The following PID1 variants were observed in gnomAD, a reference collection of about 807,000 sequenced individuals.
The protein encoded by PID1 is PTB-containing, cubilin and LRP1-interacting protein.
A neutral mutation model predicts 19.1 loss-of-function variants in PID1; 10 were observed. The observed-to-expected ratio is 0.52, with a 90% CI of 0.32 to 0.89. PID1 has a LOEUF of 0.89. PID1 is among the 40% of genes least tolerant of loss of function. The pLI is 0.03. For synonymous variants in PID1, 130 were observed against 116.0 expected (o/e 1.12, Z -0.78); for missense variants, 248 against 285.3 (o/e 0.87, Z 0.94).
chr2:229,180,138 A>G (rs534683463), intron 1 of PID1, among the ~76,000 whole-genome samples: 1 of 152,336 alleles, frequency 6.6e-6, no homozygotes, highest in African/African-American at 2.4e-5. Flanking sequence ...GAGTCTTTGC[A>G]GAAAGTTCAA....
At chr2:229,225,764 C>T (rs78636479) in intron 1 of PID1, among the ~76,000 whole-genome samples, 2,412 of 152,242 alleles carry the variant, frequency 0.016, 34 homozygotes, top group Non-Finnish European at 0.025. Flanking sequence ...GGTCCTTCTT[C>T]GCATGGTGAC....
At chr2:229,159,386 A>G (rs535471346) in intron 1 of PID1, among the ~76,000 whole-genome samples, 2 of 152,346 alleles carry the variant, frequency 1.3e-5, no homozygotes, top group Non-Finnish European at 2.9e-5. Context: ...ATTAAAGTCC[A>G]TAATCAGTTG....
chr2:229,194,434 T>TA lies in PID1; in HGVS notation c.31-38471dup, dbSNP rs925255522. Reference sequence around the variant, plus strand: ...TTCACATATCATTACTACAAGAACTTAAAAAAAAATAAAAATCATTTTCAA... The same window carrying TA: ...TTCACATATCATTACTACAAGAACTTAAAAAAAAAATAAAAATCATTTTCAA... On this transcript the variant is annotated intron_variant, in intron 1 of 2. Transcript: ENST00000392055. Among the ~76,000 whole-genome samples the TA allele has an allele frequency of 7.3e-5, 11 of 150,434 alleles. No homozygotes were observed. In the East Asian group the frequency reaches 1.7e-3, roughly 24 times the overall value.
chr2:229,072,260 T>C (rs1335120024), intron 2 of PID1, among the ~76,000 whole-genome samples: 2 of 152,228 alleles, frequency 1.3e-5, no homozygotes, highest in Non-Finnish European at 2.9e-5. Context: ...CAAGTTTTGC[T>C]ATCATAATGT....
chr2:229,214,381 C>T (rs917313973), intron 1 of PID1, among the ~76,000 whole-genome samples: 1 of 152,166 alleles, frequency 6.6e-6, no homozygotes, highest in African/African-American at 2.4e-5. Context: ...CCCTTCCCTG[C>T]TGCTGAGGGT....
At chr2:229,200,907 T>C (rs938759345) in intron 1 of PID1, among the ~76,000 whole-genome samples, 4 of 152,016 alleles carry the variant, frequency 2.6e-5, no homozygotes, top group Admixed American at 1.3e-4. Flanking sequence ...CATGTATGTA[T>C]GTATGGAGAA....
intron 2 of PID1, among the ~76,000 whole-genome samples, chr2:229,108,463 G>C (rs897933154): frequency 2.0e-5 from 3 of 152,200 alleles, no homozygotes; most frequent in Non-Finnish European, 4.4e-5. Context: ...TCTCAGCAAG[G>C]GGAGGCAAGA....
intron 1 of PID1, among the ~76,000 whole-genome samples, chr2:229,202,226 T>C (rs992454618): frequency 1.3e-5 from 2 of 152,054 alleles, no homozygotes; most frequent in Admixed American, 1.3e-4. Flanking sequence ...GTCTGAAGAA[T>C]ATGAGGTTCT....
chr2:229,094,196 G>A (rs1414568845), intron 2 of PID1, among the ~76,000 whole-genome samples: 2 of 151,794 alleles, frequency 1.3e-5, no homozygotes, highest in African/African-American at 4.8e-5. Flanking sequence ...TTTAAAATAG[G>A]ACGCAAAAAA....
intron 1 of PID1, among the ~76,000 whole-genome samples, chr2:229,168,780 T>C (rs1426681176): frequency 1.3e-5 from 2 of 152,148 alleles, no homozygotes; most frequent in African/African-American, 4.8e-5. Context: ...TCATGTCCAA[T>C]ATAGTCTAAG....
At chr2:229,168,846 C>T (rs1384428964) in intron 1 of PID1, among the ~76,000 whole-genome samples, 1 of 152,114 alleles carries the variant, frequency 6.6e-6, no homozygotes, top group South Asian at 2.1e-4. Flanking sequence ...TGTGGGGTTT[C>T]AAGTCAATCT....
At chr2:229,256,105 A>G (rs985721494) in intron 1 of PID1, among the ~76,000 whole-genome samples, 2 of 152,180 alleles carry the variant, frequency 1.3e-5, no homozygotes, top group African/African-American at 2.4e-5. Flanking sequence ...GAGCTGAACT[A>G]CATTGGTGTC....
At chr2:229,200,425 C>T (rs1054641350) in intron 1 of PID1, among the ~76,000 whole-genome samples, 8 of 151,958 alleles carry the variant, frequency 5.3e-5, no homozygotes, top group African/African-American at 1.9e-4. Context: ...GGCCCCATGC[C>T]ATTTAGCCAC....
intron 2 of PID1, among the ~76,000 whole-genome samples, chr2:229,113,769 A>G (rs1317474959): frequency 6.6e-6 from 1 of 152,082 alleles, no homozygotes; most frequent in Non-Finnish European, 1.5e-5. Context: ...GAGAACCTCA[A>G]TCAGCTGAAC....
At chr2:229,069,180 A>G (rs758919) in intron 2 of PID1, among the ~76,000 whole-genome samples, 1 of 27,810 alleles carries the variant, frequency 3.6e-5, no homozygotes, top group African/African-American at 9.4e-5. Flanking sequence ...TGTGTGTGTG[A>G]GATGAGGGAG....
chr2:229,158,325 C>T (rs767091376), intron 1 of PID1, among the ~76,000 whole-genome samples: 1 of 152,144 alleles, frequency 6.6e-6, no homozygotes, highest in Admixed American at 6.5e-5. Context: ...AGTTGTGTAG[C>T]CAGTTTGCAC....
In PID1 at chr2:229,094,859, G is replaced by GA. The variant is rs199734110; in HGVS notation, c.177+60958dup. On this transcript the variant is annotated intron_variant, in intron 2 of 2. Coordinates refer to ENST00000392055, the MANE Select transcript of PID1 (RefSeq NM_001100818.2). The stretch of plus-strand genomic sequence containing the variant: ...ATAAGAAACTCAAACAAATCAGCAA[G>GA]AAAAAAAAACAAACAAAAGAAAAAA... Among the ~76,000 whole-genome samples the GA allele has an allele frequency of 1.5e-3, 217 of 148,592 alleles. 2 individuals are homozygous for GA. The East Asian group carries it at 0.029, about 20-fold the overall frequency.
chr2:229,151,158 A>C (rs1412267200), intron 2 of PID1, among the ~76,000 whole-genome samples: 1 of 152,024 alleles, frequency 6.6e-6, no homozygotes, highest in African/African-American at 2.4e-5. Context: ...ATACTGACCT[A>C]TGAAAGGTGC....
At chr2:229,163,674 T>TGC (rs1553570238) in intron 1 of PID1, among the ~76,000 whole-genome samples, 178 of 94,480 alleles carry the variant, frequency 1.9e-3, no homozygotes, top group African/African-American at 4.9e-3. Flanking sequence ...TGTGTGTGTG[T>TGC]GCGTGTGCGT....
Sources: allele counts gnomAD v4.1 joint callset (sites outside exome capture counted in the v4.1 genomes callset), GRCh38; gene constraint gnomAD v4.1.1; transcripts MANE v1.5; gene names NCBI Gene and HGNC (gene_info 2026-07-23, HGNC 2026-07-21).